APBB2: variants seen among roughly 807,000 people sequenced by gnomAD.
APBB2 encodes amyloid beta precursor protein binding family B member 2.
APBB2 carries 38 observed loss-of-function variants against 82.5 expected under a neutral mutation model. The observed-to-expected ratio is 0.46, with a 90% CI of 0.36 to 0.60. The LOEUF is 0.60. APBB2 is among the 20% of genes least tolerant of loss of function. The probability of loss-of-function intolerance (pLI) is 0.00; values close to 1 mark genes in which losing one functional copy is unlikely to be tolerated. For missense variants in APBB2, 772 were observed against 972.3 expected, an observed-to-expected ratio of 0.79 and a Z score of 2.74; for synonymous variants, 341 against 368.2, an observed-to-expected ratio of 0.93 and a Z score of 0.85.
chr4:41,105,665 A>G (rs1746924702), intron 2 of APBB2, among the ~76,000 whole-genome samples: 1 of 152,164 alleles, frequency 6.6e-6, no homozygotes, highest in South Asian at 2.1e-4. Flanking sequence ...CGGGCAGATC[A>G]CAAGGTCAGG....
At chr4:40,992,360 A>AT (rs1019735175) in intron 6 of APBB2, among the ~76,000 whole-genome samples, 10 of 18,330 alleles carry the variant, frequency 5.5e-4, no homozygotes, top group Non-Finnish European at 3.2e-3. Flanking sequence ...TTTGGTAGAG[A>AT]TGGGGGGGGG....
At chr4:40,897,372 C>T (rs1029332776) in intron 10 of APBB2, among the ~76,000 whole-genome samples, 5 of 152,110 alleles carry the variant, frequency 3.3e-5, no homozygotes, top group Non-Finnish European at 1.5e-5. Context: ...GGTGTGGTGG[C>T]ACATGCCTGT....
At chr4:41,078,231 A>G (rs1736324954) in intron 3 of APBB2, among the ~76,000 whole-genome samples, 1 of 152,226 alleles carries the variant, frequency 6.6e-6, no homozygotes, top group African/African-American at 2.4e-5. Context: ...AGAATTACCA[A>G]TATAAACATA....
chr4:40,898,397 G>A (rs1774295279), intron 10 of APBB2, among the ~76,000 whole-genome samples: 1 of 152,094 alleles, frequency 6.6e-6, no homozygotes. Context: ...CCGAGTAGCT[G>A]GGATTACAGG....
chr4:41,059,292 C>G (rs1328067439), intron 4 of APBB2, among the ~76,000 whole-genome samples: 1 of 152,248 alleles, frequency 6.6e-6, no homozygotes, highest in Non-Finnish European at 1.5e-5. Context: ...GAAAACCCAT[C>G]TCTACTAAAA....
At chr4:41,109,437 C>G (rs566178014) in intron 2 of APBB2, among the ~76,000 whole-genome samples, 2 of 151,948 alleles carry the variant, frequency 1.3e-5, no homozygotes. Context: ...ACTACAGGGG[C>G]GTGCCACCAC....
intron 12 of APBB2, among the ~76,000 whole-genome samples, chr4:40,868,855 A>G (rs1030177800): frequency 6.6e-6 from 1 of 152,190 alleles, no homozygotes; most frequent in Non-Finnish European, 1.5e-5. Flanking sequence ...TATTTTAATA[A>G]CTTTTTTCTT....
At position 41,114,330 on chromosome 4, in the gene APBB2, TAA is replaced by T. The variant is rs1230133946; in HGVS notation, c.-260-13582_-260-13581del. On this transcript the variant is annotated intron_variant, in intron 2 of 17. Coordinates refer to ENST00000508593, the MANE Select transcript of APBB2 (RefSeq NM_004307.2). ...ATTGATGGAACGTATTTCAAAATAATAAGAGTTATTTATGACAAACCCACAGC... is the reference window on the plus strand; with the variant it reads ...ATTGATGGAACGTATTTCAAAATAATGAGTTATTTATGACAAACCCACAGC... Among the ~76,000 whole-genome samples, 4 of 152,258 alleles carry T rather than the reference TAA, an allele frequency of 2.6e-5. No homozygotes were observed. In the East Asian group the frequency reaches 5.8e-4, roughly 22 times the overall value.
intron 6 of APBB2, among the ~76,000 whole-genome samples, chr4:41,000,254 C>A (rs1473795284): frequency 6.7e-6 from 1 of 149,798 alleles, no homozygotes; most frequent in Non-Finnish European, 1.5e-5. Flanking sequence ...AGAGTGAGAC[C>A]CTGTCTCTAA....
Position 40,994,713 on chromosome 4 carries a change from C to T in APBB2, c.835+18870G>A, listed in dbSNP as rs1053411558. ...CCTATAGTCCCAGCTACTCGGGAAGCTGAGGGAGGAGAATCGCTTGAACCT... is the reference window on the plus strand; with the variant it reads ...CCTATAGTCCCAGCTACTCGGGAAGTTGAGGGAGGAGAATCGCTTGAACCT... On this transcript the variant is annotated intron_variant, in intron 6 of 17. Coordinates refer to ENST00000508593, the MANE Select transcript of APBB2 (RefSeq NM_004307.2). 9.3e-5 allele frequency among the ~76,000 whole-genome samples: 14 copies of T among 150,840 alleles called. No homozygotes were observed. In the East Asian group the frequency reaches 2.6e-3, roughly 28 times the overall value.
intron 6 of APBB2, among the ~76,000 whole-genome samples, chr4:40,981,125 T>G (rs1465256853): frequency 1.3e-5 from 2 of 152,164 alleles, no homozygotes; most frequent in Non-Finnish European, 1.5e-5. Context: ...TTGTTTATAG[T>G]GCTAGGGTTA....
intron 12 of APBB2, among the ~76,000 whole-genome samples, chr4:40,842,044 C>T (rs1176190777): frequency 6.6e-6 from 1 of 152,160 alleles, no homozygotes; most frequent in Non-Finnish European, 1.5e-5. Flanking sequence ...AACCTATTTC[C>T]ATCACATTCA....
At chr4:40,987,061 T>C (rs895639662) in intron 6 of APBB2, among the ~76,000 whole-genome samples, 3 of 152,226 alleles carry the variant, frequency 2.0e-5, no homozygotes, top group African/African-American at 7.2e-5. Context: ...ACATTTCTTT[T>C]TGCACAGTAT....
At chr4:41,047,335 G>GA (rs1723813444) in intron 4 of APBB2, among the ~76,000 whole-genome samples, 1 of 152,266 alleles carries the variant, frequency 6.6e-6, no homozygotes, top group Admixed American at 6.5e-5. Context: ...ATTGTTAACT[G>GA]AAACAGGGAC....
At position 41,143,875 on chromosome 4, in the gene APBB2, T is replaced by G. The variant is rs1261708561; in HGVS notation, c.-416-733A>C. 3.3e-5 allele frequency among the ~76,000 whole-genome samples: 5 copies of G among 152,218 alleles called. No homozygotes were observed. In the East Asian group the frequency reaches 9.6e-4, roughly 29 times the overall value. ...GTATAACATAACTGGGCAAAAGGAA[T>G]CCCTTAACTATCCTGCTGCCAAACA... On this transcript the variant is annotated intron_variant, in intron 1 of 17. Coordinates refer to ENST00000508593, the MANE Select transcript of APBB2 (RefSeq NM_004307.2).
intron 10 of APBB2, among the ~76,000 whole-genome samples, chr4:40,899,291 C>T (rs1172234711): frequency 6.6e-6 from 1 of 152,222 alleles, no homozygotes; most frequent in Non-Finnish European, 1.5e-5. Context: ...TGGGTCATGG[C>T]TGACCCAGAA....
chr4:41,054,631 CAACA>C (rs1462548459), intron 4 of APBB2, among the ~76,000 whole-genome samples: 1 of 152,128 alleles, frequency 6.6e-6, no homozygotes, highest in African/African-American at 2.4e-5. Flanking sequence ...ATACCTATAA[CAACA>C]AACAAATAAA....
Position 41,103,764 on chromosome 4 carries a change from T to C in APBB2, c.-260-3014A>G, listed in dbSNP as rs552186281. On this transcript the variant is annotated intron_variant, in intron 2 of 17. Coordinates refer to ENST00000508593, the MANE Select transcript of APBB2 (RefSeq NM_004307.2). ...TTTACCCCCACTTTAACGTCACATG[T>C]GAATCCAGCCAATAGAATGAAGGCT... Among the ~76,000 whole-genome samples the C allele has an allele frequency of 5.9e-3, 905 of 152,324 alleles. 3 individuals carry two copies. Among genetic ancestry groups the C allele is most frequent in the Non-Finnish European group, 9.9e-3 (672 of 68,024 alleles).
intron 1 of APBB2, among the ~76,000 whole-genome samples, chr4:41,210,285 G>A (rs569765234): frequency 1.2e-4 from 19 of 152,288 alleles, no homozygotes; most frequent in Admixed American, 7.2e-4. Context: ...AGAAGGACCC[G>A]ATAGACAACC....
Sources: gnomAD v4.1 joint callset for allele counts (sites outside exome capture counted in the v4.1 genomes callset) on GRCh38, gnomAD v4.1.1 for gene constraint, MANE v1.5 for transcripts, NCBI Gene and HGNC (gene_info 2026-07-23, HGNC 2026-07-21) for gene names.